The following CNTN5 variants were observed in gnomAD, a reference collection of about 807,000 sequenced individuals.
CNTN5 encodes contactin 5.
In CNTN5, 77 loss-of-function variants were observed where a neutral mutation model predicts 129.1. The observed-to-expected ratio is 0.60, with a 90% CI of 0.50 to 0.72. The LOEUF is 0.72. Ranked by LOEUF, CNTN5 falls within the 30% of genes least tolerant of loss-of-function variation. The pLI, the probability that CNTN5 is intolerant of heterozygous loss-of-function variation, is 0.00. For synonymous variants in CNTN5, 509 were observed against 465.6 expected, an observed-to-expected ratio of 1.09 and a Z score of -1.20; for missense variants, 1,478 against 1,328.8, an observed-to-expected ratio of 1.11 and a Z score of -1.75.
chr11:100,058,020 CCAGT>C (rs1435670441), intron 9 of CNTN5, among the ~76,000 whole-genome samples: 1 of 151,980 alleles, frequency 6.6e-6, no homozygotes, highest in Admixed American at 6.6e-5. Flanking sequence ...ACCTCTATAC[CCAGT>C]CAGTCTGGCT....
At chr11:99,059,360 C>A (rs1399054979) in intron 1 of CNTN5, among the ~76,000 whole-genome samples, 3 of 152,064 alleles carry the variant, frequency 2.0e-5, no homozygotes, top group Non-Finnish European at 4.4e-5. Flanking sequence ...GGGAACTTTA[C>A]TTCATTTTAC....
chr11:99,880,622 G>T (rs541219637), intron 6 of CNTN5, among the ~76,000 whole-genome samples: 1 of 152,198 alleles, frequency 6.6e-6, no homozygotes, highest in East Asian at 1.9e-4. Context: ...TGAAATTGAA[G>T]GTGTATAAAA....
intron 1 of CNTN5, among the ~76,000 whole-genome samples, chr11:99,303,689 A>G (rs981038823): frequency 3.3e-5 from 5 of 151,948 alleles, no homozygotes; most frequent in African/African-American, 9.7e-5. Flanking sequence ...GTACTTGAGA[A>G]TTTCTCATCA....
intron 16 of CNTN5, among the ~76,000 whole-genome samples, chr11:100,238,115 A>C (rs1949658510): frequency 6.6e-6 from 1 of 152,164 alleles, no homozygotes; most frequent in Non-Finnish European, 1.5e-5. Context: ...TAGTGGAGAA[A>C]AGGTCTGCTT....
At chr11:99,462,861 G>A (rs1178800480) in intron 2 of CNTN5, among the ~76,000 whole-genome samples, 1 of 151,982 alleles carries the variant, frequency 6.6e-6, no homozygotes, top group Non-Finnish European at 1.5e-5. Context: ...GAGGCAGGTG[G>A]ATCATTTGAG....
intron 1 of CNTN5, among the ~76,000 whole-genome samples, chr11:99,312,953 C>A (rs1423211933): frequency 6.6e-6 from 1 of 151,448 alleles, no homozygotes; most frequent in African/African-American, 2.4e-5. Flanking sequence ...ATAGGCTGGA[C>A]AAAAATAGTG....
At chr11:99,157,680 G>A (rs79183875) in intron 1 of CNTN5, among the ~76,000 whole-genome samples, 1,572 of 152,206 alleles carry the variant, frequency 0.01, 12 homozygotes, top group Non-Finnish European at 0.016. Flanking sequence ...ATGTCTCTAT[G>A]TTAACTTTAT....
At chr11:99,957,415 T>G (rs1306703136) in intron 8 of CNTN5, among the ~76,000 whole-genome samples, 3 of 152,218 alleles carry the variant, frequency 2.0e-5, no homozygotes, top group African/African-American at 4.8e-5. Flanking sequence ...TGCTCAGGTT[T>G]TAATACTTCA....
chr11:99,157,366 C>T (rs1860386684), intron 1 of CNTN5, among the ~76,000 whole-genome samples: 1 of 151,948 alleles, frequency 6.6e-6, no homozygotes, highest in African/African-American at 2.4e-5. Context: ...TATGCATTTC[C>T]TCATTTATAT....
At chr11:99,793,605 A>G (rs1180488457) in intron 3 of CNTN5, among the ~76,000 whole-genome samples, 2 of 152,062 alleles carry the variant, frequency 1.3e-5, no homozygotes, top group African/African-American at 4.8e-5. Flanking sequence ...TGTCCCAGAG[A>G]TTATTGTATG....
intron 24 of CNTN5, 66 bp downstream of exon 24, chr11:100,350,936 C>G (rs182763105): frequency 8.1e-7 from 1 of 1,231,246 alleles, no homozygotes; most frequent in Admixed American, 2.4e-5. Context: ...ATGAAAGTCA[C>G]GAAAATTGAT....
At chr11:99,401,844 C>A (rs1941827355) in intron 2 of CNTN5, among the ~76,000 whole-genome samples, 1 of 102,048 alleles carries the variant, frequency 9.8e-6, no homozygotes, top group Non-Finnish European at 1.9e-5. Context: ...CTTGTTGCTA[C>A]TGTAAATGGC....
intron 1 of CNTN5, among the ~76,000 whole-genome samples, chr11:99,274,662 C>T (rs1359995223): frequency 6.6e-6 from 1 of 151,350 alleles, no homozygotes; most frequent in Non-Finnish European, 1.5e-5. Context: ...ATGAATACCT[C>T]TACTATATAT....
At chr11:99,714,418 ATCCTCATCATC>A (rs1281773380) in intron 3 of CNTN5, among the ~76,000 whole-genome samples, 4 of 151,910 alleles carry the variant, frequency 2.6e-5, no homozygotes, top group Non-Finnish European at 5.9e-5. Context: ...GAGTAGGACC[ATCCTCATCATC>A]TCATGCTGTG....
intron 3 of CNTN5, among the ~76,000 whole-genome samples, chr11:99,740,928 C>T (rs941397915): frequency 2.6e-5 from 4 of 152,132 alleles, no homozygotes; most frequent in African/African-American, 9.7e-5. Context: ...GTTTTCTGCT[C>T]AGCTTAAATG....
Position 99,509,436 on chromosome 11 carries a change from A to T in CNTN5, c.-70-46709A>T, listed in dbSNP as rs75888578. ...AAATCTCTGTGCACATTCAAAATAG[A>T]AATGGTGAATTCTTCTTCATGTTCA... On this transcript the variant is annotated intron_variant, in intron 2 of 24. Transcript: ENST00000524871. 6.3e-3 allele frequency among the ~76,000 whole-genome samples: 962 copies of T among 152,314 alleles called. 8 individuals are homozygous for T. The highest frequency in any genetic ancestry group is 0.022 in the African/African-American group (905 of 41,570).
chr11:100,022,205 A>G (rs1462511943), intron 9 of CNTN5, among the ~76,000 whole-genome samples: 1 of 152,204 alleles, frequency 6.6e-6, no homozygotes, highest in African/African-American at 2.4e-5. Flanking sequence ...CATTATTTGC[A>G]AGGTGTATTA....
At chr11:99,623,309 T>A (rs11220678) in intron 3 of CNTN5, among the ~76,000 whole-genome samples, 25,240 of 151,992 alleles carry the variant, frequency 0.17, 2,323 homozygotes, top group Non-Finnish European at 0.21. Context: ...AGCAATAACT[T>A]AAGCTCAACT....
intron 9 of CNTN5, among the ~76,000 whole-genome samples, chr11:100,008,966 C>T (rs536398283): frequency 2.2e-4 from 33 of 152,078 alleles, no homozygotes; most frequent in African/African-American, 6.7e-4. Flanking sequence ...TTACTTAGAG[C>T]GTGCATATTA....
Sources: allele counts gnomAD v4.1 joint callset (sites outside exome capture counted in the v4.1 genomes callset), GRCh38; gene constraint gnomAD v4.1.1; transcripts MANE v1.5; gene names NCBI Gene and HGNC (gene_info 2026-07-23, HGNC 2026-07-21).